Variants in ATRAID observed in about 807,000 individuals in gnomAD.
The protein encoded by ATRAID is all-trans retinoic acid-induced differentiation factor.
ATRAID carries 26 observed loss-of-function variants against 28.8 expected under a neutral mutation model. That is an observed-to-expected ratio of 0.90 (90% CI 0.66 to 1.25). ATRAID has a LOEUF of 1.25. ATRAID is among the 50% of genes most tolerant of loss of function. ATRAID has a pLI of 0.00. For missense variants in ATRAID, 308 were observed against 285.9 expected, an observed-to-expected ratio of 1.08 and a Z score of -0.56; for synonymous variants, 131 against 108.5, an observed-to-expected ratio of 1.21 and a Z score of -1.29.
At chr2:27,212,584 C>A in intron 1 of ATRAID, 117 bp downstream of exon 1, 2 of 1,459,128 alleles carry the variant, frequency 1.4e-6, no homozygotes, top group Non-Finnish European at 1.8e-6. Flanking sequence ...TCGTCCCTGA[C>A]GCTTCCCGAC....
rs752452216 is a variant in ATRAID at position 27,212,389 on chromosome 2, T to G, written c.21T>G (p.Gly7=). 2.6e-6 allele frequency: 4 copies of G among 1,550,566 alleles called. No homozygotes were observed. The highest frequency in any genetic ancestry group is 1.2e-5 in the South Asian group (1 of 84,002). The change falls in exon 1 of 7, where the codon GGT becomes GGG. Residue 7 remains glycine (G), a synonymous_variant. Coordinates refer to ENST00000380171, the MANE Select transcript of ATRAID (RefSeq NM_001170795.4). ...GGAAAATGGCGCCTCACGACCCGGG[T>G]AGTCTTACGACCCTGGTGCCCTGGG... MAPHDP[G]SLTTLVPWAA...
chr2:27,212,623 A>G (rs1453592880), intron 1 of ATRAID, 156 bp downstream of exon 1: 2 of 1,414,302 alleles, frequency 1.4e-6, no homozygotes, highest in East Asian at 5.5e-5. Flanking sequence ...GTTCCCAAGT[A>G]CTCACGTCGT....
rs1674677603 is a variant in ATRAID at position 27,213,204 on chromosome 2, C to CA, written c.131dup (p.Asn44LysfsTer10). 1 of 1,614,038 alleles carries CA rather than the reference C, an allele frequency of 6.2e-7. No homozygotes were observed. The highest frequency in any genetic ancestry group is 8.5e-7 in the Non-Finnish European group (1 of 1,179,980). On this transcript the variant is annotated frameshift_variant, in exon 2 of 7. Transcript: ENST00000380171. LOFTEE classifies it high-confidence loss of function. ...ATGCACCCAATGTCCAGGGAGCGTG[C>CA]AAAATTTGTCAAAAGTGGCCTTTTA... is the stretch of plus-strand genomic sequence containing the variant.
intron 5 of ATRAID, among the ~76,000 whole-genome samples, chr2:27,216,090 G>A (rs755442412): frequency 2.0e-4 from 31 of 152,192 alleles, no homozygotes; most frequent in South Asian, 6.2e-4. Context: ...GTGCTGTTTT[G>A]CGGGCAGGGG....
chr2:27,216,376 A>G (rs1177494856), intron 5 of ATRAID, 147 bp from the exon 6 acceptor site: 4 of 704,444 alleles, frequency 5.7e-6, no homozygotes, highest in East Asian at 2.5e-5. Flanking sequence ...GAGGCCTGAC[A>G]TTATTGTTAC....
In ATRAID at chr2:27,215,266, C is replaced by G. The variant is rs937894899; in HGVS notation, c.222-55C>G. 2.6e-6 allele frequency: 4 copies of G among 1,556,944 alleles called. No individual in the cohort carries two copies. The Admixed American group carries it at 6.7e-5, about 26-fold the overall frequency. Reference sequence around the variant, plus strand: ...TTGTGTAGTCAAATACAAACTGTGCCGTGGCTGAAGAAAAAGAGGAACACA... The same window carrying G: ...TTGTGTAGTCAAATACAAACTGTGCGGTGGCTGAAGAAAAAGAGGAACACA... On this transcript the variant is annotated intron_variant, in intron 2 of 6. Coordinates refer to ENST00000380171, the MANE Select transcript of ATRAID (RefSeq NM_001170795.4).
chr2:27,216,728 A>G (rs1174088013), intron 6 of ATRAID, 108 bp downstream of exon 6: 5 of 1,415,938 alleles, frequency 3.5e-6, no homozygotes, highest in Non-Finnish European at 5.0e-6. Context: ...CTATAGGTGG[A>G]AAACTATAGA....
At chr2:27,216,385 A>G in intron 5 of ATRAID, 138 bp from the exon 6 acceptor site, 1 of 740,732 alleles carries the variant, frequency 1.4e-6, no homozygotes, top group East Asian at 2.5e-5. Context: ...CATTATTGTT[A>G]CTGTTTTTAT....
chr2:27,215,356 G>C lies in ATRAID; in HGVS notation c.257G>C (p.Gly86Ala). ...CAGAACTGTTCTCTGGAGGACCCTG[G>C]TCCAAACTTTCATCAGGCACATACC... ...DLQNCSLEDPGPNFHQAHTTV... is the reference protein window; with the variant it reads ...DLQNCSLEDPAPNFHQAHTTV... Residue 86 changes from glycine (G) to alanine (A), a missense_variant, in exon 3 of 7, where the codon GGT (glycine) becomes GCT (alanine). Gly to Ala is a moderately conservative substitution (Grantham distance 60). Transcript: ENST00000380171. The C allele has an allele frequency of 6.2e-7, 1 of 1,614,188 alleles. No individual in the cohort carries two copies. Among genetic ancestry groups the C allele is most frequent in the South Asian group, 1.1e-5 (1 of 91,084 alleles).
At position 27,212,472 on chromosome 2, in the gene ATRAID, A is replaced by T; in HGVS notation, c.99+5A>T. 6.4e-7 allele frequency: 1 copy of T among 1,560,970 alleles called. No homozygotes were observed. Among genetic ancestry groups the T allele is most frequent in the Non-Finnish European group, 8.7e-7 (1 of 1,155,238 alleles). On this transcript the variant is annotated splice_donor_5th_base_variant and intron_variant, in intron 1 of 6. Transcript: ENST00000380171. ...AGGGCTCTGGCGCTACCCGAGGTAC[A>T]GAAGCAAGTTTGAGGTCGGGCTGAA...
chr2:27,212,992 TG>T, intron 1 of ATRAID, 184 bp from the exon 2 acceptor site: 1 of 699,608 alleles, frequency 1.4e-6, no homozygotes, highest in Non-Finnish European at 2.3e-6. Flanking sequence ...CGCAGGACTC[TG>T]GAGGAAGAGA....
intron 5 of ATRAID, 131 bp from the exon 6 acceptor site, chr2:27,216,392 T>G (rs1674833571): frequency 1.3e-6 from 1 of 783,252 alleles, no homozygotes; most frequent in African/African-American, 1.7e-5. Flanking sequence ...GTTACTGTTT[T>G]TATCTGTAAT....
rs867390981 is a variant in ATRAID, at chr2:27,212,234, G to GA, written c.-131dup. On this transcript the variant is annotated 5_prime_UTR_variant, in exon 1 of 7. It introduces an in-frame stop codon into an upstream open reading frame of the 5' UTR. Coordinates refer to ENST00000380171, the MANE Select transcript of ATRAID (RefSeq NM_001170795.4). ...GACCAGCGCAGAGCTCCACGAGCAG[G>GA]AAAAGCCCCCAAGCAGCCCCAGGGC... is the stretch of plus-strand genomic sequence containing the variant. 5 of 1,561,382 alleles carry GA rather than the reference G, an allele frequency of 3.2e-6. No individual in the cohort carries two copies. The East Asian group carries it at 7.0e-5, about 22-fold the overall frequency.
Position 27,213,457 on chromosome 2 carries a change from C to G in ATRAID, c.221+159C>G, listed in dbSNP as rs1341306673. The G allele has an allele frequency of 3.3e-6, 3 of 916,706 alleles. No homozygotes were observed. The African/African-American group carries it at 5.1e-5, about 15-fold the overall frequency. The allele number at this position is 916,706 out of a possible 1,614,324, so 56.8% of individuals were successfully genotyped here. ...TAGATCTCTTTAGTGTCTTTTTTAA[C>G]CTTTCCACACTCCAGGTACATACGG... is the stretch of plus-strand genomic sequence containing the variant. On this transcript the variant is annotated intron_variant, in intron 2 of 6. Coordinates refer to ENST00000380171, the MANE Select transcript of ATRAID (RefSeq NM_001170795.4).
rs907008953 is a variant in ATRAID at position 27,212,246 on chromosome 2, A to G, written c.-123A>G. 7 of 1,560,974 alleles carry G rather than the reference A, an allele frequency of 4.5e-6. No homozygotes were observed. The highest frequency in any genetic ancestry group is 1.4e-5 in the African/African-American group (1 of 73,952). On this transcript the variant is annotated 5_prime_UTR_variant, in exon 1 of 7. Coordinates refer to ENST00000380171, the MANE Select transcript of ATRAID (RefSeq NM_001170795.4). ...GCTCCACGAGCAGGAAAAGCCCCCA[A>G]GCAGCCCCAGGGCGACTGGACCGGG...
chr2:27,215,429 A>G, intron 3 of ATRAID, 37 bp downstream of exon 3: 1 of 1,614,090 alleles, frequency 6.2e-7, no homozygotes, highest in South Asian at 1.1e-5. Context: ...AAAGGCTAAT[A>G]TAATGTAGGT....
intron 2 of ATRAID, 141 bp downstream of exon 2, chr2:27,213,439 C>CT: frequency 8.9e-7 from 1 of 1,119,336 alleles, no homozygotes; most frequent in Non-Finnish European, 1.2e-6. Context: ...AACTAGATCT[C>CT]TTTAGTGTCT....
rs1674842725 is a variant in ATRAID, at chr2:27,216,548, T to C, written c.513T>C (p.Cys171=). The change falls in exon 6 of 7, where the codon TGT becomes TGC. Residue 171 remains cysteine (C), a synonymous_variant. Coordinates refer to ENST00000380171, the MANE Select transcript of ATRAID (RefSeq NM_001170795.4). ...DPEMCPENGS[C]VPDGPGLLQC... ...AAATGTGTCCTGAGAATGGATCTTG[T>C]GTACCTGATGGTCCAGGTCTTTTGC... is the stretch of plus-strand genomic sequence containing the variant. The C allele has an allele frequency of 1.2e-6, 2 of 1,613,966 alleles. No individual in the cohort carries two copies. Among genetic ancestry groups the C allele is most frequent in the African/African-American group, 1.3e-5 (1 of 74,928 alleles).
chr2:27,217,003 C>CT lies in ATRAID; in HGVS notation c.*55_*56insT. 6.9e-7 allele frequency: 1 copy of CT among 1,456,088 alleles called. No homozygotes were observed. 90.2% of individuals were successfully genotyped at this position (1,456,088 alleles called of 1,614,324 possible). On this transcript the variant is annotated 3_prime_UTR_variant, in exon 7 of 7. Transcript: ENST00000380171. ...TCAATCTGAACTATCTTAGCCCAGT[C>CT]AGGGAGCTCTGCTTCCTAGAAAGGC...
Sources: allele counts gnomAD v4.1 joint callset (sites outside exome capture counted in the v4.1 genomes callset), GRCh38; gene constraint gnomAD v4.1.1; transcripts MANE v1.5; gene names NCBI Gene and HGNC (gene_info 2026-07-23, HGNC 2026-07-21).